MYO5C: variants seen among roughly 807,000 people sequenced by gnomAD.
MYO5C encodes the protein myosin VC, also known as unconventional myosin-Vc.
Under a neutral mutation model 235.7 loss-of-function variants are expected in MYO5C, and 194 were observed. The ratio of observed to expected loss-of-function variants is 0.82; its 90% CI spans 0.73 to 0.93. MYO5C has a LOEUF of 0.93. MYO5C is among the 40% of genes least tolerant of loss of function. The pLI is 0.00. For synonymous variants in MYO5C, 707 were observed against 754.8 expected, an observed-to-expected ratio of 0.94 and a Z score of 1.04; for missense variants, 2,038 against 2,127.2, an observed-to-expected ratio of 0.96 and a Z score of 0.82.
intron 10 of MYO5C, among the ~76,000 whole-genome samples, chr15:52,259,452 A>C (rs1377467176): frequency 6.6e-6 from 1 of 151,942 alleles, no homozygotes. Context: ...AGAAAGAAAT[A>C]ATATACTGTT....
At chr15:52,200,197 G>T (rs551911378) in intron 38 of MYO5C, among the ~76,000 whole-genome samples, 1 of 152,252 alleles carries the variant, frequency 6.6e-6, no homozygotes, top group South Asian at 2.1e-4. Flanking sequence ...AGCATAGAGG[G>T]TGGTCAGAAC....
At chr15:52,287,291 A>G (rs1354701131) in intron 1 of MYO5C, among the ~76,000 whole-genome samples, 1 of 152,200 alleles carries the variant, frequency 6.6e-6, no homozygotes, top group Non-Finnish European at 1.5e-5. Context: ...GAGGCCTCAT[A>G]AAGAAACACA....
chr15:52,220,982 C>A (rs2035669211), intron 30 of MYO5C, among the ~76,000 whole-genome samples, 180 bp downstream of exon 30: 1 of 152,094 alleles, frequency 6.6e-6, no homozygotes, highest in Non-Finnish European at 1.5e-5. Flanking sequence ...GCCTGCACCT[C>A]CTTTAAATGT....
rs373549870 is a variant in MYO5C at position 52,225,450 on chromosome 15, C to T, written c.3290G>A (p.Arg1097Gln). Residue 1097 changes from arginine (R) to glutamine (Q), a missense_variant, in exon 26 of 41, where the codon CGG becomes CAG. Coordinates refer to ENST00000261839, the MANE Select transcript of MYO5C (RefSeq NM_018728.4). Reference protein sequence around the residue: ...DVEKHVQSQKREMREKMSEIT... With the variant: ...DVEKHVQSQKQEMREKMSEIT... ...CATATTTTTATTACCTCTCATTTCC[C>T]GTTTTTGTGACTGCACATGTTTCTC... The T allele has an allele frequency of 4.0e-5, 64 of 1,612,510 alleles. No homozygotes were observed. Among genetic ancestry groups the T allele is most frequent in the Non-Finnish European group, 4.9e-5 (58 of 1,178,900 alleles).
At chr15:52,278,283 T>A (rs181870258) in intron 4 of MYO5C, among the ~76,000 whole-genome samples, 118 of 152,306 alleles carry the variant, frequency 7.7e-4, no homozygotes, top group African/African-American at 2.8e-3. Flanking sequence ...CTGGGTTGGT[T>A]ATTCCCTGAA....
chr15:52,226,905 T>TGG (rs1244666814), intron 25 of MYO5C, among the ~76,000 whole-genome samples: 1 of 152,104 alleles, frequency 6.6e-6, no homozygotes, highest in African/African-American at 2.4e-5. Context: ...CTCAGCACTT[T>TGG]GGGAGGCTAG....
chr15:52,258,803 AGTCTTTGT>A (rs1566983069), intron 10 of MYO5C, among the ~76,000 whole-genome samples: 1 of 152,224 alleles, frequency 6.6e-6, no homozygotes, highest in Admixed American at 6.5e-5. Flanking sequence ...TACTCTAACA[AGTCTTTGT>A]GTATTTATAA....
intron 24 of MYO5C, among the ~76,000 whole-genome samples, chr15:52,229,760 G>A (rs1320933525): frequency 1.3e-5 from 2 of 152,198 alleles, no homozygotes. Context: ...AGCAGGTAAT[G>A]GCCTTATTTT....
intron 11 of MYO5C, among the ~76,000 whole-genome samples, chr15:52,256,229 C>T (rs576480114): frequency 1.3e-5 from 2 of 152,088 alleles, no homozygotes; most frequent in Non-Finnish European, 2.9e-5. Flanking sequence ...GATCTCAAAA[C>T]ACAAGCTGGA....
rs71130140 is a variant in MYO5C, at chr15:52,195,962, C to CTTTTTTTT, written c.4995+339_4995+346dup. 2.2e-3 allele frequency among the ~76,000 whole-genome samples: 181 copies of CTTTTTTTT among 80,956 alleles called. 15 individuals carry two copies. Among genetic ancestry groups the CTTTTTTTT allele is most frequent in the East Asian group, 6.1e-3 (9 of 1,486 alleles). 53.1% of individuals were successfully genotyped at this position (80,956 alleles called of 152,430 possible). On this transcript the variant is annotated intron_variant, in intron 39 of 40. Transcript: ENST00000261839. The stretch of plus-strand genomic sequence containing the variant: ...CAAAGGTGTGTGCCATCACACCCAG[C>CTTTTTTTT]TTTTTTTTTTTTTTTTTTTTTTTTT...
intron 13 of MYO5C, among the ~76,000 whole-genome samples, chr15:52,250,246 TTC>T (rs1491115080): frequency 0.013 from 181 of 14,292 alleles, 36 homozygotes; most frequent in South Asian, 0.046. Context: ...CTTTTTCTTT[TTC>T]TTTTTTTTTT....
At chr15:52,212,546 C>A (rs1242881002) in intron 34 of MYO5C, among the ~76,000 whole-genome samples, 1 of 152,146 alleles carries the variant, frequency 6.6e-6, no homozygotes, top group East Asian at 1.9e-4. Context: ...GAAGGCTACA[C>A]GTTGGCTTTC....
intron 19 of MYO5C, among the ~76,000 whole-genome samples, chr15:52,244,130 CCTGGGTGTCGGCT>C (rs1408146386): frequency 1.2e-4 from 19 of 152,126 alleles, no homozygotes; most frequent in African/African-American, 4.6e-4. Flanking sequence ...CCTGCAGGGC[CCTGGGTGTCGGCT>C]CACCACACAG....
intron 30 of MYO5C, 58 bp downstream of exon 30, chr15:52,221,104 C>A: frequency 7.4e-7 from 1 of 1,359,070 alleles, no homozygotes; most frequent in South Asian, 1.2e-5. Flanking sequence ...ATTTCAATGT[C>A]ATTTCCGGGG....
Position 52,218,512 on chromosome 15 carries a change from T to G in MYO5C, c.3954+7A>C, listed in dbSNP as rs769159174. 1.9e-6 allele frequency: 3 copies of G among 1,613,944 alleles called. No homozygotes were observed. In the South Asian group the frequency reaches 3.3e-5, roughly 18 times the overall value. ...AGTCTTTATCACCAAGTTAGAAGACTTCTCACCCTGTTTTCCAAAGTGAGC... is the reference window on the plus strand; with the variant it reads ...AGTCTTTATCACCAAGTTAGAAGACGTCTCACCCTGTTTTCCAAAGTGAGC... On this transcript the variant is annotated splice_region_variant and intron_variant, in intron 32 of 40. Coordinates refer to ENST00000261839, the MANE Select transcript of MYO5C (RefSeq NM_018728.4).
intron 1 of MYO5C, among the ~76,000 whole-genome samples, chr15:52,291,895 C>T (rs1267681767): frequency 4.6e-5 from 7 of 151,578 alleles, no homozygotes; most frequent in South Asian, 2.1e-4. Flanking sequence ...CCTGCCACCA[C>T]GCCTGGCTAA....
rs746088669 is a variant in MYO5C at position 52,278,850 on chromosome 15, A to T, written c.449+23T>A. 2.5e-6 allele frequency: 4 copies of T among 1,612,374 alleles called. No homozygotes were observed. The South Asian group carries it at 4.4e-5, about 18-fold the overall frequency. The stretch of plus-strand genomic sequence containing the variant: ...AGGGAGCATTGGCAGAGCAAGGGGA[A>T]GTCCAGCTTGGCAGGAAGCTACCTG... On this transcript the variant is annotated intron_variant, in intron 4 of 40. Coordinates refer to ENST00000261839, the MANE Select transcript of MYO5C (RefSeq NM_018728.4).
intron 1 of MYO5C, among the ~76,000 whole-genome samples, chr15:52,291,746 T>TGTTTTTTG (rs1413078209): frequency 3.2e-5 from 3 of 92,862 alleles, no homozygotes; most frequent in Non-Finnish European, 7.3e-5. Flanking sequence ...TTTTTTTTTT[T>TGTTTTTTG]TTTTTTTTTT....
Position 52,235,730 on chromosome 15 carries a change from G to A in MYO5C, c.2902C>T (p.Leu968=). Residue 968 remains leucine (L), a synonymous_variant, in exon 23 of 41, where the codon CTG becomes TTG. Transcript: ENST00000261839. ...TGTATTTGTTCTTTCTGTGTTTCCA[G>A]TTCTGAATTATGCTTCTGAAGCTTT... The part of the protein sequence containing the change: ...LAKLQKHNSE[L]ETQKEQIQLK... 1.2e-6 allele frequency: 2 copies of A among 1,611,916 alleles called. No individual in the cohort carries two copies. Among genetic ancestry groups the A allele is most frequent in the African/African-American group, 2.7e-5 (2 of 75,028 alleles).
Sources: allele counts gnomAD v4.1 joint callset (sites outside exome capture counted in the v4.1 genomes callset), GRCh38; gene constraint gnomAD v4.1.1; transcripts MANE v1.5; gene names NCBI Gene and HGNC (gene_info 2026-07-23, HGNC 2026-07-21).